The following SLC35B3 variants were observed in gnomAD, a reference collection of about 807,000 sequenced individuals.
SLC35B3 encodes solute carrier family 35 member B3.
SLC35B3 carries 35 observed loss-of-function variants against 44.1 expected under a neutral mutation model. The ratio of observed to expected loss-of-function variants is 0.79; its 90% CI spans 0.61 to 1.05. The LOEUF (loss-of-function observed/expected upper bound fraction) is 1.05, where lower values mean the gene tolerates loss of function less well. Ranked by LOEUF, SLC35B3 falls within the 50% of genes least tolerant of loss-of-function variation. SLC35B3 has a pLI of 0.00. For synonymous variants in SLC35B3, 146 were observed against 167.3 expected (o/e 0.87, Z 0.98); for missense variants, 414 against 476.4 (o/e 0.87, Z 1.22).
At chr6:8,425,800 C>T (rs1439384131) in intron 4 of SLC35B3, among the ~76,000 whole-genome samples, 1 of 151,994 alleles carries the variant, frequency 6.6e-6, no homozygotes, top group Non-Finnish European at 1.5e-5. Context: ...ACGATATATA[C>T]ACACATTAGG....
At chr6:8,418,442 C>G (rs912630431) in intron 7 of SLC35B3, among the ~76,000 whole-genome samples, 2 of 150,460 alleles carry the variant, frequency 1.3e-5, no homozygotes, top group African/African-American at 4.9e-5. Context: ...TTCTGTCCAG[C>G]AAGGTGGTTG....
rs1308092578 is a variant in SLC35B3 at position 8,411,658 on chromosome 6, AT to A, written c.*1890del. ...AATGGGCAAATGAAAACCAGTCCGAATTCCTCATGCTGGACCCCTCCATGAT... is the reference window on the plus strand; with the variant it reads ...AATGGGCAAATGAAAACCAGTCCGAATCCTCATGCTGGACCCCTCCATGAT... On this transcript the variant is annotated 3_prime_UTR_variant, in exon 11 of 11. Coordinates refer to ENST00000644923, the MANE Select transcript of SLC35B3 (RefSeq NM_001370476.2). 6.6e-6 allele frequency among the ~76,000 whole-genome samples: 1 copy of A among 152,184 alleles called. No homozygotes were observed. The highest frequency in any genetic ancestry group is 1.9e-4 in the East Asian group (1 of 5,186).
At chr6:8,423,786 A>G (rs1763158555) in intron 4 of SLC35B3, among the ~76,000 whole-genome samples, 1 of 152,194 alleles carries the variant, frequency 6.6e-6, no homozygotes, top group Non-Finnish European at 1.5e-5. Flanking sequence ...TTTCTACTTA[A>G]CTACTAATAT....
intron 2 of SLC35B3, among the ~76,000 whole-genome samples, chr6:8,430,666 G>A (rs1007678979): frequency 6.6e-6 from 1 of 152,066 alleles, no homozygotes; most frequent in Non-Finnish European, 1.5e-5. Context: ...GGTTGCTTGA[G>A]ACCAGGAGTT....
intron 3 of SLC35B3, 189 bp downstream of exon 2, chr6:8,429,675 C>A: frequency 2.2e-6 from 1 of 445,704 alleles, no homozygotes. Flanking sequence ...TGCCTCCTCC[C>A]CACTTAAATT....
rs1046751407 is a variant in SLC35B3 at position 8,412,644 on chromosome 6, G to T, written c.*905C>A. Among the ~76,000 whole-genome samples, 2 of 152,126 alleles carry T rather than the reference G, an allele frequency of 1.3e-5. No individual in the cohort carries two copies. Among genetic ancestry groups the T allele is most frequent in the Admixed American group, 1.3e-4 (2 of 15,274 alleles). ...TGGTCCCCAACCCTTTTGGCAGTAG[G>T]GACTAGTTTCGTGGAAGACAATTTT... On this transcript the variant is annotated 3_prime_UTR_variant, in exon 11 of 11. Transcript: ENST00000644923.
In SLC35B3 at chr6:8,419,437, C is replaced by T. The variant is rs1485884451; in HGVS notation, c.780+143G>A. 13 of 449,970 alleles carry T rather than the reference C, an allele frequency of 2.9e-5. No individual in the cohort carries two copies. Among genetic ancestry groups the T allele is most frequent in the Non-Finnish European group, 3.6e-5 (9 of 251,560 alleles). 27.9% of individuals were successfully genotyped at this position (449,970 alleles called of 1,614,324 possible). ...TGCTAGTTGTAGTTTTAGTTTTTAC[C>T]TTCCTATAATGTTTGAATGTATTAC... On this transcript the variant is annotated intron_variant, in intron 7 of 10. Transcript: ENST00000644923. This position sits in a 1 kb window ranked among gnomAD's most constrained non-coding sequence, Gnocchi z 4.3.
intron 7 of SLC35B3, among the ~76,000 whole-genome samples, chr6:8,418,210 C>G (rs985378240): frequency 2.6e-5 from 4 of 152,076 alleles, no homozygotes; most frequent in African/African-American, 2.4e-5. Flanking sequence ...TATTCCAGAG[C>G]CTACCATCAT....
At position 8,412,048 on chromosome 6, in the gene SLC35B3, T is replaced by C. The variant is rs1762078142; in HGVS notation, c.*1501A>G. Among the ~76,000 whole-genome samples the C allele has an allele frequency of 6.6e-6, 1 of 152,116 alleles. No individual in the cohort carries two copies. The highest frequency in any genetic ancestry group is 6.5e-5 in the Admixed American group (1 of 15,268). On this transcript the variant is annotated 3_prime_UTR_variant, in exon 11 of 11. Coordinates refer to ENST00000644923, the MANE Select transcript of SLC35B3 (RefSeq NM_001370476.2). ...AGTGATTGTATTAAGTGGTGGGGCCTTTTGGGAGGTGATAAGGTCATGAGG... is the reference window on the plus strand; with the variant it reads ...AGTGATTGTATTAAGTGGTGGGGCCCTTTGGGAGGTGATAAGGTCATGAGG...
At position 8,435,099 on chromosome 6, in the gene SLC35B3, AC is replaced by A. The variant is rs1764357235; in HGVS notation, c.-44+243del. 8.0e-7 allele frequency: 1 copy of A among 1,243,954 alleles called. No individual in the cohort carries two copies. Among genetic ancestry groups the A allele is most frequent in the African/African-American group, 1.5e-5 (1 of 64,710 alleles). 77.1% of individuals were successfully genotyped at this position (1,243,954 alleles called of 1,614,324 possible). On this transcript the variant is annotated intron_variant, in intron 1 of 10. Transcript: ENST00000644923. The surrounding 1 kb of genome is among the most constrained non-coding windows in gnomAD (Gnocchi z 5.5). Reference sequence around the variant, plus strand: ...CACCCCTGCGAGTCCACGGATTGGGACCTGAGGGAGTTCTCGCCAGCCCGAG... The same window carrying A: ...CACCCCTGCGAGTCCACGGATTGGGACTGAGGGAGTTCTCGCCAGCCCGAG...
At position 8,422,607 on chromosome 6, in the gene SLC35B3, T is replaced by C; in HGVS notation, c.437A>G (p.Tyr146Cys). The C allele has an allele frequency of 1.2e-6, 2 of 1,608,292 alleles. No individual in the cohort carries two copies. Among genetic ancestry groups the C allele is most frequent in the Non-Finnish European group, 1.7e-6 (2 of 1,178,452 alleles). Residue 146 changes from tyrosine to cysteine, a missense_variant, in exon 5 of 11, where the codon TAC becomes TGC. Transcript: ENST00000644923. Reference sequence around the variant, plus strand: ...CACAGTTAGAAAAGCTATTATCATGTAGGTTTTTCCTGGTATTCTGTAAAA... The same window carrying C: ...CACAGTTAGAAAAGCTATTATCATGCAGGTTTTTCCTGGTATTCTGTAAAA...
At position 8,416,940 on chromosome 6, in the gene SLC35B3, C is replaced by G. The variant is rs1186182171; in HGVS notation, c.929G>C (p.Gly310Ala). ...AATCAAAGCCAGAACAAAGGAGATT[C>G]CAAAATATCCAGTGAGGGAAAAAAG... Residue 310 changes from glycine (G) to alanine (A), a missense_variant, in exon 9 of 11, where the codon GGA (glycine) becomes GCA (alanine). Physicochemically the swap from Gly to Ala is moderately conservative, Grantham distance 60 (BLOSUM62 0). Transcript: ENST00000644923. 1 of 1,606,560 alleles carries G rather than the reference C, an allele frequency of 6.2e-7. No homozygotes were observed. Among genetic ancestry groups the G allele is most frequent in the African/African-American group, 1.3e-5 (1 of 74,478 alleles).
Position 8,429,238 on chromosome 6 carries a change from G to A in SLC35B3, c.297+626C>T, listed in dbSNP as rs145699143. On this transcript the variant is annotated intron_variant, in intron 3 of 10. Coordinates refer to ENST00000644923, the MANE Select transcript of SLC35B3 (RefSeq NM_001370476.2). ...ACCCATCCAGCCCATGTCTTTGAAG[G>A]TCAGAAATCTGCTCCTAGCCAAAGG... Among the ~76,000 whole-genome samples, 1,284 of 152,130 alleles carry A rather than the reference G, an allele frequency of 8.4e-3. 19 individuals carry two copies. Among genetic ancestry groups the A allele is most frequent in the African/African-American group, 0.029 (1,195 of 41,510 alleles).
chr6:8,424,679 C>T (rs959303635), intron 4 of SLC35B3, among the ~76,000 whole-genome samples: 1 of 152,100 alleles, frequency 6.6e-6, no homozygotes, highest in Admixed American at 6.5e-5. Context: ...AAATAATAAG[C>T]AGTATATTTA....
chr6:8,414,690 T>C (rs1762255072), intron 10 of SLC35B3, among the ~76,000 whole-genome samples: 1 of 152,004 alleles, frequency 6.6e-6, no homozygotes, highest in Non-Finnish European at 1.5e-5. Context: ...ATTACCAACA[T>C]TTCCAAAATA....
chr6:8,417,043 AGG>A, intron 8 of SLC35B3, 48 bp from the exon 8 acceptor site: 1 of 997,648 alleles, frequency 1.0e-6, no homozygotes, highest in Non-Finnish European at 1.5e-6. Flanking sequence ...ACAAACTCCG[AGG>A]TATTACAAAT....
intron 4 of SLC35B3, among the ~76,000 whole-genome samples, chr6:8,426,655 G>C (rs184862044): frequency 6.6e-6 from 1 of 152,040 alleles, no homozygotes; most frequent in Admixed American, 6.6e-5. Flanking sequence ...TCCCAGTCTC[G>C]GGTATGTCTT....
At chr6:8,414,717 T>C (rs933407849) in intron 10 of SLC35B3, among the ~76,000 whole-genome samples, 191 bp downstream of exon 9, 1 of 151,296 alleles carries the variant, frequency 6.6e-6, no homozygotes, top group African/African-American at 2.4e-5. Flanking sequence ...GACACACTGA[T>C]AGTTAAGAGA....
chr6:8,427,647 G>C (rs1763545075), intron 4 of SLC35B3, among the ~76,000 whole-genome samples: 2 of 152,170 alleles, frequency 1.3e-5, no homozygotes, highest in African/African-American at 4.8e-5. Flanking sequence ...TATTTCAGCA[G>C]AATTTATACA....
Sources: allele counts gnomAD v4.1 joint callset (sites outside exome capture counted in the v4.1 genomes callset), GRCh38; gene constraint gnomAD v4.1.1; non-coding constraint Gnocchi (gnomAD v3.1); transcripts MANE v1.5; gene names NCBI Gene and HGNC (gene_info 2026-07-23, HGNC 2026-07-21).